The following MED14 variants were observed in gnomAD, a reference collection of about 807,000 sequenced individuals.
MED14 encodes the protein mediator of RNA polymerase II transcription subunit 14.
A neutral mutation model predicts 109.0 loss-of-function variants in MED14; 8 were observed. The observed-to-expected ratio is 0.07, with a 90% confidence interval of 0.04 to 0.13. The LOEUF (loss-of-function observed/expected upper bound fraction) is 0.13, where lower values mean the gene tolerates loss of function less well. Among genes scored for constraint, MED14 ranks in the 10% least tolerant of loss-of-function variants. The pLI is 1.00. For missense variants in MED14, 711 were observed against 1,142.4 expected, an observed-to-expected ratio of 0.62 and a Z score of 5.44; for synonymous variants, 399 against 408.7, an observed-to-expected ratio of 0.98 and a Z score of 0.29.
intron 23 of MED14, 58 bp downstream of exon 23, chrX:40,671,799 GGTGT>G: frequency 1.4e-6 from 1 of 710,561 alleles, no homozygotes; most frequent in South Asian, 2.9e-5. Context: ...CTCAATGTGG[GGTGT>G]GTGTGTGTAT....
chrX:40,728,654 G>A (rs2146744929), intron 2 of MED14, among the ~76,000 whole-genome samples: 1 of 111,266 alleles, frequency 9.0e-6, no homozygotes, highest in Non-Finnish European at 1.9e-5. Flanking sequence ...AATTTCGCTT[G>A]TTCCTTTGGC....
chrX:40,700,387 AAAAAAT>A (rs941927926), intron 12 of MED14, among the ~76,000 whole-genome samples: 1 of 99,309 alleles, frequency 1.0e-5, no homozygotes, highest in African/African-American at 3.8e-5. Flanking sequence ...AAAAAAAAAA[AAAAAAT>A]TCATGCCCTG....
intron 3 of MED14, among the ~76,000 whole-genome samples, chrX:40,725,766 T>G (rs1010632211): frequency 6.3e-5 from 7 of 111,837 alleles, no homozygotes; most frequent in East Asian, 2.8e-4. Flanking sequence ...CTCTCAGATC[T>G]GGAACACGAC....
At chrX:40,730,312 G>A (rs1172358349) in intron 1 of MED14, among the ~76,000 whole-genome samples, 3 of 112,273 alleles carry the variant, frequency 2.7e-5, no homozygotes, top group Non-Finnish European at 5.6e-5. Flanking sequence ...AGGGAACTAG[G>A]TGGGGGCTGG....
rs888856865 is a variant in MED14 at position 40,681,779 on chromosome X, A to T, written c.2457+73T>A. 1.1e-5 allele frequency: 6 copies of T among 569,691 alleles called. No individual in the cohort carries two copies. The African/African-American group carries it at 1.2e-4, about 11-fold the overall frequency. 46.9% of individuals were successfully genotyped at this position (569,691 alleles called of 1,213,427 possible). ...TTGAGCTCTTACTTATATTAAGGTA[A>T]TTTTCATGTTTTTTTAATTCTTGAT... On this transcript the variant is annotated intron_variant, in intron 19 of 30. Transcript: ENST00000324817.
intron 1 of MED14, among the ~76,000 whole-genome samples, chrX:40,733,913 G>T (rs774996952): frequency 1.3e-4 from 14 of 111,672 alleles, no homozygotes; most frequent in Non-Finnish European, 2.6e-4. Flanking sequence ...TCACATAAAG[G>T]GTGTGGGACT....
chrX:40,720,378 A>C (rs1302864024), intron 3 of MED14, among the ~76,000 whole-genome samples: 2 of 111,838 alleles, frequency 1.8e-5, no homozygotes, highest in Non-Finnish European at 3.8e-5. Context: ...TGACTGGGGG[A>C]CTTTACACTG....
At chrX:40,735,785 C>G (rs112389934), upstream of MED14, 623 of 357,452 alleles carry the variant, frequency 1.7e-3, no homozygotes, top group Non-Finnish European at 2.1e-3. Context: ...GAGGACCTTC[C>G]GACAGGTCTG....
intron 3 of MED14, among the ~76,000 whole-genome samples, chrX:40,719,239 T>C (rs1168335742): frequency 8.0e-5 from 9 of 111,804 alleles, no homozygotes; most frequent in African/African-American, 2.3e-4. Context: ...CTTTGTAAAA[T>C]AGTCTGGCAG....
intron 23 of MED14, among the ~76,000 whole-genome samples, chrX:40,670,605 C>T (rs1279452399): frequency 9.1e-6 from 1 of 109,503 alleles, no homozygotes; most frequent in African/African-American, 3.3e-5. Context: ...ACTAAAAATA[C>T]AAAAAATTAG....
At position 40,664,409 on chromosome X, in the gene MED14, A is replaced by C. The variant is rs200215214; in HGVS notation, c.3346T>G (p.Ser1116Ala). 8.4e-7 allele frequency: 1 copy of C among 1,197,402 alleles called. No individual in the cohort carries two copies. Among genetic ancestry groups the C allele is most frequent in the East Asian group, 3.0e-5 (1 of 32,900 alleles). ...ATGCGTGCTGCTGGTGAGGGGCCAGACACTTGAGGAGATCCTGGCCAGTTC... is the reference window on the plus strand; with the variant it reads ...ATGCGTGCTGCTGGTGAGGGGCCAGCCACTTGAGGAGATCCTGGCCAGTTC... ...AGNWPGSPQV[S>A]GPSPAARMPG... Residue 1116 changes from serine to alanine, a missense_variant, in exon 25 of 31, where the codon TCT becomes GCT. Physicochemically the swap from Ser to Ala is moderately conservative, Grantham distance 99. This residue lies in a region of MED14 where 100 missense variants were observed against 147.5 expected (regional missense o/e 0.68). Coordinates refer to ENST00000324817, the MANE Select transcript of MED14 (RefSeq NM_004229.4).
At chrX:40,713,168 G>C in intron 5 of MED14, 126 bp from the exon 6 acceptor site, 1 of 645,903 alleles carries the variant, frequency 1.5e-6, no homozygotes, top group Admixed American at 4.2e-5. Flanking sequence ...TCTTTCATAA[G>C]GTTCCAACAA....
intron 15 of MED14, among the ~76,000 whole-genome samples, chrX:40,691,069 T>C (rs771570166): frequency 8.9e-6 from 1 of 111,776 alleles, no homozygotes; most frequent in East Asian, 2.8e-4. Flanking sequence ...ATAACTGGGG[T>C]TTTAGTGTAT....
chrX:40,692,090 C>T, intron 15 of MED14, 93 bp downstream of exon 15: 1 of 846,974 alleles, frequency 1.2e-6, no homozygotes, highest in Non-Finnish European at 1.6e-6. Flanking sequence ...AAACATTCTG[C>T]TTTTCCTAAT....
intron 23 of MED14, among the ~76,000 whole-genome samples, chrX:40,669,389 G>A (rs1429920395): frequency 9.0e-6 from 1 of 111,399 alleles, no homozygotes; most frequent in Non-Finnish European, 1.9e-5. Context: ...ATTCCTAGGG[G>A]TGGACTCAAC....
At chrX:40,693,546 T>C (rs984727628) in intron 13 of MED14, among the ~76,000 whole-genome samples, 1 of 111,729 alleles carries the variant, frequency 9.0e-6, no homozygotes, top group Non-Finnish European at 1.9e-5. Flanking sequence ...ATTAAACCTC[T>C]TTCTTTTGTA....
chrX:40,660,771 C>T (rs1412916837), intron 26 of MED14, among the ~76,000 whole-genome samples: 3 of 112,381 alleles, frequency 2.7e-5, no homozygotes, highest in African/African-American at 6.5e-5. Flanking sequence ...ATTTTGAGTG[C>T]TAATTTTAGT....
In MED14 at chrX:40,713,911, C is replaced by A; in HGVS notation, c.523-4G>T. 6 of 1,191,808 alleles carry A rather than the reference C, an allele frequency of 5.0e-6. No homozygotes were observed. The highest frequency in any genetic ancestry group is 3.7e-5 in the South Asian group (2 of 53,920). On this transcript the variant is annotated splice_polypyrimidine_tract_variant and splice_region_variant and intron_variant, in intron 4 of 30. Coordinates refer to ENST00000324817, the MANE Select transcript of MED14 (RefSeq NM_004229.4). ...GGTCTGGAGGAATAATTTTGTCCTG[C>A]AAAAAAATTTAAGTGATTTTTAAAT...
At chrX:40,720,135 C>G (rs1412357592) in intron 3 of MED14, among the ~76,000 whole-genome samples, 1 of 112,396 alleles carries the variant, frequency 8.9e-6, no homozygotes, top group Non-Finnish European at 1.9e-5. Flanking sequence ...TGGTGGAATA[C>G]AAGCCAACAC....
Sources: gnomAD v4.1 joint callset for allele counts (sites outside exome capture counted in the v4.1 genomes callset) on GRCh38, gnomAD v4.1.1 for gene constraint, gnomAD v4.1.1 regional missense constraint, MANE v1.5 for transcripts, NCBI Gene and HGNC (gene_info 2026-07-23, HGNC 2026-07-21) for gene names.